Variants in BEND7 observed in about 807,000 individuals in gnomAD.
BEND7 encodes BEN domain-containing protein 7.
Under a neutral mutation model 50.9 loss-of-function variants are expected in BEND7, and 28 were observed. That is an observed-to-expected ratio of 0.55 (90% CI 0.41 to 0.75). The LOEUF (loss-of-function observed/expected upper bound fraction) is 0.75, where lower values mean the gene tolerates loss of function less well. BEND7 is among the 30% of genes least tolerant of loss of function. The probability of loss-of-function intolerance (pLI) is 0.00; values close to 1 mark genes in which losing one functional copy is unlikely to be tolerated. For missense variants in BEND7, 477 were observed against 491.3 expected (o/e 0.97, Z 0.28); for synonymous variants, 170 against 183.9 (o/e 0.92, Z 0.61).
At chr10:13,479,006 CTT>C (rs34144594) in intron 6 of BEND7, among the ~76,000 whole-genome samples, 336 of 127,694 alleles carry the variant, frequency 2.6e-3, no homozygotes, top group Middle Eastern at 8.1e-3. Flanking sequence ...TTGTAATATA[CTT>C]TTTTTTTTTT....
intron 6 of BEND7, among the ~76,000 whole-genome samples, chr10:13,471,353 G>C (rs2074808021): frequency 6.6e-6 from 1 of 152,210 alleles, no homozygotes. Context: ...ACTTAATCCA[G>C]TATCTGAAAA....
intron 2 of BEND7, among the ~76,000 whole-genome samples, chr10:13,507,564 C>T (rs2077986740): frequency 6.6e-6 from 1 of 152,122 alleles, no homozygotes; most frequent in South Asian, 2.1e-4. Context: ...AATAAATGGC[C>T]ACTGAGTGAC....
intron 2 of BEND7, among the ~76,000 whole-genome samples, chr10:13,501,275 G>A (rs1242716548): frequency 6.7e-6 from 1 of 149,410 alleles, no homozygotes; most frequent in African/African-American, 2.5e-5. Context: ...TCACAAGGCT[G>A]AGCCAGGAGA....
chr10:13,480,951 T>C lies in BEND7; in HGVS notation c.1011A>G (p.Gly337=). ...CTAGTCCTTTCCGGTTGTCATTGAGTCCTCTTTTCCTCTTCCCATTGGGTA... is the reference window on the plus strand; with the variant it reads ...CTAGTCCTTTCCGGTTGTCATTGAGCCCTCTTTTCCTCTTCCCATTGGGTA... ...NSLPNGKRKR[G]LNDNRKGLDQ... Residue 337 remains glycine (G), a synonymous_variant, in exon 6 of 9, where the codon GGA becomes GGG. Transcript: ENST00000466271. The C allele has an allele frequency of 6.2e-7, 1 of 1,614,198 alleles. No homozygotes were observed. The highest frequency in any genetic ancestry group is 8.5e-7 in the Non-Finnish European group (1 of 1,180,040).
At chr10:13,483,205 A>G (rs943607478) in intron 5 of BEND7, among the ~76,000 whole-genome samples, 1 of 152,180 alleles carries the variant, frequency 6.6e-6, no homozygotes, top group Non-Finnish European at 1.5e-5. Context: ...ACCATTAAAC[A>G]GGTACTTAAA....
At chr10:13,446,063 C>T (rs1465427173) in intron 8 of BEND7, 1 of 152,214 alleles carries the variant, frequency 6.6e-6, no homozygotes, top group Non-Finnish European at 1.5e-5. Flanking sequence ...TCTCTTAATT[C>T]ACAAATGTGA....
In BEND7 at chr10:13,499,891, G is replaced by C. The variant is rs1346040953; in HGVS notation, c.335C>G (p.Ser112Cys). 8.7e-6 allele frequency: 14 copies of C among 1,614,182 alleles called. No homozygotes were observed. Among genetic ancestry groups the C allele is most frequent in the Non-Finnish European group, 1.1e-5 (13 of 1,180,036 alleles). ...TAGCTCATTCCACACACCACGTGAA[G>C]ACGGGTGGAGGCTTTGCGGGGCCTC... is the stretch of plus-strand genomic sequence containing the variant. ...SAEAPQSLHP[S>C]SRGVWNELPP... The change falls in exon 3 of 9, where the codon TCT becomes TGT. Residue 112 changes from serine to cysteine, a missense_variant. By Grantham distance (112) the Ser-to-Cys change is moderately radical. Around this residue, in one of 3 missense-constraint regions of BEND7, gnomAD observed 396 missense variants for 384.2 expected, o/e 1.03. Coordinates refer to ENST00000466271, the MANE Select transcript of BEND7 (RefSeq NM_001369863.1).
At chr10:13,458,750 C>T (rs1007393097) in intron 6 of BEND7, among the ~76,000 whole-genome samples, 6 of 152,302 alleles carry the variant, frequency 3.9e-5, no homozygotes, top group African/African-American at 9.6e-5. Context: ...AGCAGAGGGA[C>T]CCAACTGGGG....
intron 2 of BEND7, among the ~76,000 whole-genome samples, chr10:13,522,194 T>C (rs1589074348): frequency 1.3e-5 from 2 of 152,362 alleles, no homozygotes; most frequent in East Asian, 1.9e-4. Context: ...CCAATGTACA[T>C]ACTATGATAA....
chr10:13,505,519 G>A (rs945977484), intron 2 of BEND7, among the ~76,000 whole-genome samples: 2 of 152,208 alleles, frequency 1.3e-5, no homozygotes, highest in African/African-American at 4.8e-5. Flanking sequence ...GCGTGTGTGT[G>A]GCCTCCAGGG....
At chr10:13,507,715 T>A (rs1209592814) in intron 2 of BEND7, among the ~76,000 whole-genome samples, 1 of 152,184 alleles carries the variant, frequency 6.6e-6, no homozygotes, top group Non-Finnish European at 1.5e-5. Flanking sequence ...CTTTCCAGTT[T>A]GTAAATACCA....
chr10:13,485,631 T>C (rs765681297), intron 5 of BEND7, among the ~76,000 whole-genome samples: 24 of 152,248 alleles, frequency 1.6e-4, no homozygotes, highest in African/African-American at 2.4e-4. Flanking sequence ...TTAGTCTATG[T>C]CCATACCACT....
chr10:13,488,616 T>C (rs1361765897), intron 5 of BEND7, among the ~76,000 whole-genome samples: 1 of 152,210 alleles, frequency 6.6e-6, no homozygotes, highest in Non-Finnish European at 1.5e-5. Context: ...GCCTCCCAAG[T>C]AGCTGGGATT....
chr10:13,440,053 C>T (rs1420844527), downstream of BEND7, among the ~76,000 whole-genome samples: 2 of 152,156 alleles, frequency 1.3e-5, no homozygotes, highest in Non-Finnish European at 2.9e-5. Context: ...GTCCCCAGAT[C>T]CTTGGGGAGG....
intron 4 of BEND7, 29 bp downstream of exon 4, chr10:13,496,737 G>A: frequency 6.2e-7 from 1 of 1,600,544 alleles, no homozygotes; most frequent in Non-Finnish European, 8.5e-7. Flanking sequence ...AAAAATCAAA[G>A]GACTCATTCC....
At chr10:13,513,413 G>A (rs2132504747) in intron 2 of BEND7, among the ~76,000 whole-genome samples, 1 of 152,178 alleles carries the variant, frequency 6.6e-6, no homozygotes, top group East Asian at 1.9e-4. Flanking sequence ...AGCCTCACTT[G>A]GACATCTCAA....
intron 2 of BEND7, among the ~76,000 whole-genome samples, chr10:13,508,591 G>T (rs1210916677): frequency 6.6e-6 from 1 of 152,216 alleles, no homozygotes; most frequent in Non-Finnish European, 1.5e-5. Context: ...TGAGGGTCCT[G>T]TTCAGCTGAG....
intron 4 of BEND7, 140 bp downstream of exon 4, chr10:13,496,623 TGAA>T (rs2077038918): frequency 2.0e-6 from 2 of 1,010,038 alleles, no homozygotes; most frequent in East Asian, 2.6e-5. Flanking sequence ...TAGAGAAAGC[TGAA>T]AAAACAGATA....
intron 2 of BEND7, among the ~76,000 whole-genome samples, chr10:13,508,889 C>A (rs563877531): frequency 6.6e-6 from 1 of 152,204 alleles, no homozygotes; most frequent in Non-Finnish European, 1.5e-5. Context: ...CAGGCCTAAG[C>A]GGCACGGCGG....
Sources: allele counts gnomAD v4.1 joint callset (sites outside exome capture counted in the v4.1 genomes callset), GRCh38; gene constraint gnomAD v4.1.1; regional missense constraint gnomAD v4.1.1; transcripts MANE v1.5; gene names NCBI Gene and HGNC (gene_info 2026-07-23, HGNC 2026-07-21).